CTNNA2: variants seen among roughly 807,000 people sequenced by gnomAD.
CTNNA2 encodes the protein catenin alpha 2, also known as catenin alpha-2.
In CTNNA2, 42 loss-of-function variants were observed where a neutral mutation model predicts 101.0. That is an observed-to-expected ratio of 0.42 (90% CI 0.32 to 0.54). The LOEUF (loss-of-function observed/expected upper bound fraction) is 0.54. Ranked by LOEUF, CTNNA2 falls within the 20% of genes least tolerant of loss-of-function variation. The pLI is 0.14. For missense variants in CTNNA2, 871 were observed against 1,223.1 expected (o/e 0.71, Z 4.29); for synonymous variants, 450 against 456.4 (o/e 0.99, Z 0.18).
At position 79,405,804 on chromosome 2, in the gene CTNNA2, A is replaced by G. The variant is rs116910011; in HGVS notation, c.-135+31791A>G. On this transcript the variant is annotated intron_variant, in intron 4 of 21. Coordinates refer to the CTNNA2 transcript ENST00000466387. ...AGTTATGCTGTTCCCAGAATCCTGA[A>G]TTATGGAAACTGTGTGATAATAAAT... Among the ~76,000 whole-genome samples the G allele has an allele frequency of 8.2e-3, 1,242 of 152,184 alleles. 47 individuals are homozygous for G. In the East Asian group the frequency reaches 0.088, roughly 11 times the overall value.
intron 7 of CTNNA2, among the ~76,000 whole-genome samples, chr2:80,169,252 T>G (rs565393639): frequency 2.6e-5 from 4 of 152,246 alleles, no homozygotes; most frequent in African/African-American, 9.6e-5. Context: ...GGACATTGAT[T>G]TTAACTGGAT....
chr2:80,142,814 G>A (rs148809780), intron 7 of CTNNA2, among the ~76,000 whole-genome samples: 2 of 152,256 alleles, frequency 1.3e-5, no homozygotes, highest in African/African-American at 2.4e-5. Context: ...CAGAAACTAA[G>A]GACCCATGAC....
At chr2:79,474,117 T>C (rs1671028161) in intron 4 of CTNNA2, among the ~76,000 whole-genome samples, 1 of 152,248 alleles carries the variant, frequency 6.6e-6, no homozygotes, top group South Asian at 2.1e-4. Flanking sequence ...GTGTTTATAA[T>C]GTATATTAAA....
intron 2 of CTNNA2, among the ~76,000 whole-genome samples, chr2:79,275,461 TG>T (rs1042233244): frequency 6.6e-6 from 1 of 152,054 alleles, no homozygotes; most frequent in African/African-American, 2.4e-5. Context: ...CAGGCTCAGA[TG>T]TCAAGTAATC....
intron 13 of CTNNA2, among the ~76,000 whole-genome samples, chr2:80,580,955 A>G (rs1695483268): frequency 6.6e-6 from 1 of 152,126 alleles, no homozygotes. Context: ...GGTGGAAGTT[A>G]TAGTGAGCCA....
At chr2:79,297,353 G>A (rs115213358) in intron 2 of CTNNA2, among the ~76,000 whole-genome samples, 11 of 152,260 alleles carry the variant, frequency 7.2e-5, no homozygotes, top group African/African-American at 2.4e-4. Flanking sequence ...CTTAACTTCA[G>A]TGTCTGACCA....
chr2:80,432,475 G>A (rs1681633006), intron 9 of CTNNA2, among the ~76,000 whole-genome samples: 1 of 152,124 alleles, frequency 6.6e-6, no homozygotes, highest in Admixed American at 6.5e-5. Flanking sequence ...CTCCTATTTA[G>A]ACATTCTGGA....
chr2:79,213,840 T>C lies in CTNNA2; in HGVS notation c.-406+15764T>C, dbSNP rs182689795. ...CGTCAGGTATGAGGAAGAAAACAGA[T>C]TTTGGAAGTTATGAGAACTGTAGAG... is the stretch of plus-strand genomic sequence containing the variant. On this transcript the variant is annotated intron_variant, in intron 2 of 21. Transcript: ENST00000466387. Among the ~76,000 whole-genome samples, 579 of 152,048 alleles carry C rather than the reference T, an allele frequency of 3.8e-3. 2 individuals carry two copies. Among genetic ancestry groups the C allele is most frequent in the Non-Finnish European group, 7.1e-3 (481 of 67,978 alleles).
chr2:80,418,517 T>G (rs552852120), intron 8 of CTNNA2, among the ~76,000 whole-genome samples: 15 of 152,294 alleles, frequency 9.8e-5, no homozygotes, highest in African/African-American at 3.6e-4. Context: ...ATACTTTCAT[T>G]GCATACGTTA....
chr2:79,715,366 T>C (rs1309418437), intron 2 of CTNNA2, among the ~76,000 whole-genome samples: 3 of 152,150 alleles, frequency 2.0e-5, no homozygotes, highest in Non-Finnish European at 4.4e-5. Context: ...TTTCTTTATA[T>C]GGTAGATCTA....
intron 3 of CTNNA2, among the ~76,000 whole-genome samples, chr2:79,370,562 A>G (rs1677847030): frequency 6.6e-6 from 1 of 152,146 alleles, no homozygotes. Context: ...TAAAAATAAA[A>G]TGAACCTATC....
chr2:79,798,113 A>G (rs1675865007), intron 3 of CTNNA2, among the ~76,000 whole-genome samples: 1 of 152,082 alleles, frequency 6.6e-6, no homozygotes, highest in African/African-American at 2.4e-5. Flanking sequence ...GCCCCATACT[A>G]GAACTGCTGA....
intron 7 of CTNNA2, among the ~76,000 whole-genome samples, chr2:80,147,442 A>G (rs535763966): frequency 3.6e-4 from 55 of 152,282 alleles, no homozygotes; most frequent in African/African-American, 1.3e-3. Context: ...AAAATGGCGA[A>G]TGGATATAAA....
At chr2:79,717,800 C>A (rs1686205316) in intron 2 of CTNNA2, among the ~76,000 whole-genome samples, 1 of 152,242 alleles carries the variant, frequency 6.6e-6, no homozygotes, top group Admixed American at 6.5e-5. Context: ...ACGTCAGAGA[C>A]TGTATGGGAC....
intron 7 of CTNNA2, among the ~76,000 whole-genome samples, chr2:80,199,266 C>A (rs1707047299): frequency 1.4e-5 from 2 of 142,674 alleles, no homozygotes; most frequent in Admixed American, 1.4e-4. Flanking sequence ...TTAGAAAATT[C>A]AAGGCAATCA....
At chr2:79,670,315 G>C (rs1459018495) in intron 2 of CTNNA2, among the ~76,000 whole-genome samples, 1 of 152,174 alleles carries the variant, frequency 6.6e-6, no homozygotes, top group Non-Finnish European at 1.5e-5. Context: ...GCACAGGGAG[G>C]CTCGATCCAT....
chr2:79,877,490 T>A (rs1683113904), intron 6 of CTNNA2, among the ~76,000 whole-genome samples: 1 of 152,214 alleles, frequency 6.6e-6, no homozygotes, highest in Non-Finnish European at 1.5e-5. Context: ...CTTTATTTTA[T>A]GACTAAATTA....
chr2:80,270,837 CTGCTTATTAAAATATTTAATAATTAAA>C (rs1673403079), intron 7 of CTNNA2, among the ~76,000 whole-genome samples: 1 of 152,096 alleles, frequency 6.6e-6, no homozygotes, highest in Non-Finnish European at 1.5e-5. Flanking sequence ...ACAATTCATT[CTGCTTATTAAAATATTTAATAATTAAA>C]TGCTAGCCAC....
intron 7 of CTNNA2, among the ~76,000 whole-genome samples, chr2:80,194,556 G>C (rs984780658): frequency 6.6e-6 from 1 of 151,388 alleles, no homozygotes; most frequent in Non-Finnish European, 1.5e-5. Flanking sequence ...ATGTGTGGGT[G>C]TATGACTCAA....
Sources: gnomAD v4.1 joint callset for allele counts (sites outside exome capture counted in the v4.1 genomes callset) on GRCh38, gnomAD v4.1.1 for gene constraint, MANE v1.5 for transcripts, NCBI Gene and HGNC (gene_info 2026-07-23, HGNC 2026-07-21) for gene names.